Variants in MMEL1 observed in about 807,000 individuals in gnomAD.
The protein encoded by MMEL1 is membrane metalloendopeptidase like 1.
Under a neutral mutation model 117.1 loss-of-function variants are expected in MMEL1, and 98 were observed. The observed-to-expected ratio is 0.84, with a 90% CI of 0.71 to 0.99. The LOEUF is 0.99. Ranked by LOEUF, MMEL1 falls within the 50% of genes least tolerant of loss-of-function variation. The pLI is 0.00. For synonymous variants in MMEL1, 390 were observed against 415.1 expected, an observed-to-expected ratio of 0.94 and a Z score of 0.74; for missense variants, 1,014 against 1,049.1, an observed-to-expected ratio of 0.97 and a Z score of 0.46.
intron 7 of MMEL1, 32 bp downstream of exon 7, chr1:2,606,942 G>A (rs748645542): frequency 1.3e-6 from 2 of 1,588,828 alleles, no homozygotes; most frequent in Non-Finnish European, 1.7e-6. Context: ...TCCTTTGTCT[G>A]TCTGTGAGGC....
chr1:2,610,612 G>GTGGTAAGA (rs1201219498), intron 4 of MMEL1, among the ~76,000 whole-genome samples: 1 of 152,188 alleles, frequency 6.6e-6, no homozygotes, highest in Non-Finnish European at 1.5e-5. Context: ...CCACCATGGG[G>GTGGTAAGA]GTTTGTATTC....
chr1:2,597,694 C>T (rs1644864932), intron 13 of MMEL1, among the ~76,000 whole-genome samples: 1 of 152,216 alleles, frequency 6.6e-6, no homozygotes, highest in East Asian at 1.9e-4. Flanking sequence ...GCCACAGTGA[C>T]TACAGGAGCA....
At chr1:2,628,053 G>T in intron 2 of MMEL1, among the ~76,000 whole-genome samples, 1 of 152,258 alleles carries the variant, frequency 6.6e-6, no homozygotes, top group East Asian at 1.9e-4. Context: ...CTGGGGGTGT[G>T]TGTGGGGTCA....
intron 6 of MMEL1, 68 bp downstream of exon 6, chr1:2,609,271 C>T: frequency 6.6e-7 from 1 of 1,505,570 alleles, no homozygotes; most frequent in Non-Finnish European, 9.1e-7. Flanking sequence ...TGGGGCTGCG[C>T]TAGGCCCTGG....
intron 2 of MMEL1, among the ~76,000 whole-genome samples, chr1:2,613,372 T>C (rs903247630): frequency 2.0e-5 from 3 of 152,168 alleles, no homozygotes; most frequent in Admixed American, 1.3e-4. Flanking sequence ...GAGACTGGAC[T>C]GTGGACTCCA....
intron 10 of MMEL1, 25 bp downstream of exon 10, chr1:2,604,122 T>TAGC: frequency 7.4e-7 from 1 of 1,357,432 alleles, no homozygotes; most frequent in Non-Finnish European, 1.0e-6. Flanking sequence ...CGCTGCCCGC[T>TAGC]CCCCACCCGC....
At chr1:2,592,224 G>T (rs542059602) in intron 21 of MMEL1, among the ~76,000 whole-genome samples, 197 bp from the exon 22 acceptor site, 3,335 of 151,440 alleles carry the variant, frequency 0.022, 318 homozygotes, top group Middle Eastern at 0.038. Flanking sequence ...GGGCCCTCGG[G>T]GGGGGATCCC....
rs77395972 is a variant in MMEL1 at position 2,603,710 on chromosome 1, C to T, written c.1041+174G>A. ...TGTCCCAGTGACATTAGTAATCGTG[C>T]TGGTGCTGCTCTGCAGCAAGTTTGG... On this transcript the variant is annotated intron_variant, in intron 11 of 23. Transcript: ENST00000378412. Among the ~76,000 whole-genome samples, 22 of 152,310 alleles carry T rather than the reference C, an allele frequency of 1.4e-4. No individual in the cohort carries two copies. The East Asian group carries it at 4.1e-3, about 28-fold the overall frequency.
chr1:2,630,334 G>A (rs1291972996), intron 1 of MMEL1: 1 of 152,514 alleles, frequency 6.6e-6, no homozygotes, highest in African/African-American at 2.4e-5. Flanking sequence ...ATGTAGTTGG[G>A]CGTGTGCATG....
chr1:2,596,103 C>G lies in MMEL1; in HGVS notation c.1406G>C (p.Arg469Thr). The change falls in exon 15 of 24, where the codon AGA (arginine) becomes ACA (threonine). Residue 469 changes from arginine to threonine, a missense_variant. Arg to Thr is a moderately conservative substitution (Grantham distance 71, BLOSUM62 -1). Transcript: ENST00000378412. ...AFPGDSKSMV[R>T]ELIDKVRTVF... The stretch of plus-strand genomic sequence containing the variant: ...TGTCCGCACCTTGTCAATGAGTTCT[C>G]TGACCTGGGAATCGGGCATGGCCCT... 1 of 1,613,814 alleles carries G rather than the reference C, an allele frequency of 6.2e-7. No homozygotes were observed. Among genetic ancestry groups the G allele is most frequent in the Non-Finnish European group, 8.5e-7 (1 of 1,179,748 alleles).
intron 12 of MMEL1, 75 bp from the exon 13 acceptor site, chr1:2,598,375 C>A: frequency 6.8e-7 from 1 of 1,463,506 alleles, no homozygotes; most frequent in South Asian, 1.2e-5. Flanking sequence ...GGCTTAGGGC[C>A]CTTGGCCAGC....
At chr1:2,591,143 C>T (rs1644689235) in intron 23 of MMEL1, 54 bp from the exon 24 acceptor site, 5 of 1,291,108 alleles carry the variant, frequency 3.9e-6, no homozygotes, top group Non-Finnish European at 5.3e-6. Context: ...ACAAACATGG[C>T]CATTTTAAGT....
At chr1:2,605,293 G>A (rs1384988897) in intron 9 of MMEL1, among the ~76,000 whole-genome samples, 1 of 152,224 alleles carries the variant, frequency 6.6e-6, no homozygotes, top group Non-Finnish European at 1.5e-5. Flanking sequence ...TGACGGGAGG[G>A]GGATGACAGT....
At chr1:2,623,343 T>C (rs570367911) in intron 2 of MMEL1, among the ~76,000 whole-genome samples, 77 of 152,310 alleles carry the variant, frequency 5.1e-4, no homozygotes, top group African/African-American at 1.9e-3. Flanking sequence ...GTTCTGCTTT[T>C]TGCCGAGGAC....
intron 2 of MMEL1, among the ~76,000 whole-genome samples, chr1:2,622,874 ACT>A (rs1645310538): frequency 8.5e-6 from 1 of 118,202 alleles, no homozygotes; most frequent in South Asian, 3.1e-4. Flanking sequence ...AAAGAGTGAA[ACT>A]CTGTCTCAAA....
In MMEL1 at chr1:2,593,794, T is replaced by C; in HGVS notation, c.1867+20A>G. On this transcript the variant is annotated intron_variant, in intron 19 of 23. Coordinates refer to ENST00000378412, the MANE Select transcript of MMEL1 (RefSeq NM_033467.4). The stretch of plus-strand genomic sequence containing the variant: ...CGCGGAGAGGGGAGGGCGTGTGTGA[T>C]TGGAGGGGCGGCCGCTCACCATTGT... 6.3e-7 allele frequency: 1 copy of C among 1,583,900 alleles called. No individual in the cohort carries two copies. Among genetic ancestry groups the C allele is most frequent in the Non-Finnish European group, 8.6e-7 (1 of 1,162,142 alleles).
chr1:2,605,836 G>A (rs113883935), intron 8 of MMEL1, among the ~76,000 whole-genome samples: 1 of 150,914 alleles, frequency 6.6e-6, no homozygotes, highest in Non-Finnish European at 1.5e-5. Flanking sequence ...GGTGGCGGGG[G>A]TGGGGTGGGG....
chr1:2,605,464 G>A (rs550270660), intron 9 of MMEL1, 94 bp downstream of exon 9: 11 of 1,099,756 alleles, frequency 1.0e-5, no homozygotes, highest in African/African-American at 3.1e-5. Flanking sequence ...CACCAGCTTC[G>A]GGGAGGGAAG....
chr1:2,625,121 C>A (rs1471997445), intron 2 of MMEL1, among the ~76,000 whole-genome samples: 2 of 152,294 alleles, frequency 1.3e-5, no homozygotes, highest in Middle Eastern at 3.4e-3. Flanking sequence ...CAGAGCCAAA[C>A]TATATCATTC....
Sources: gnomAD v4.1 joint callset for allele counts (sites outside exome capture counted in the v4.1 genomes callset) on GRCh38, gnomAD v4.1.1 for gene constraint, MANE v1.5 for transcripts, NCBI Gene and HGNC (gene_info 2026-07-23, HGNC 2026-07-21) for gene names.